The following CNTN5 variants were observed in gnomAD, a reference collection of about 807,000 sequenced individuals.
CNTN5 encodes contactin 5, also known as contactin-5.
In CNTN5, 77 loss-of-function variants were observed where a neutral mutation model predicts 129.1. The ratio of observed to expected loss-of-function variants is 0.60; its 90% confidence interval spans 0.50 to 0.72. The LOEUF is 0.72. Ranked by LOEUF, CNTN5 falls within the 30% of genes least tolerant of loss-of-function variation. The probability of loss-of-function intolerance (pLI) is 0.00; values close to 1 mark genes in which losing one functional copy is unlikely to be tolerated. For missense variants in CNTN5, 1,478 were observed against 1,328.8 expected (o/e 1.11, Z -1.75); for synonymous variants, 509 against 465.6 (o/e 1.09, Z -1.20).
intron 13 of CNTN5, among the ~76,000 whole-genome samples, chr11:100,141,698 T>C (rs1451110099): frequency 6.6e-6 from 1 of 152,170 alleles, no homozygotes; most frequent in African/African-American, 2.4e-5. Flanking sequence ...TAAAATAGCG[T>C]AAGAAATCCT....
chr11:99,591,261 T>A (rs1356121296), intron 3 of CNTN5, among the ~76,000 whole-genome samples: 1 of 151,914 alleles, frequency 6.6e-6, no homozygotes, highest in African/African-American at 2.4e-5. Context: ...AGAGCCCATC[T>A]CATGATTTAC....
intron 2 of CNTN5, among the ~76,000 whole-genome samples, chr11:99,487,448 T>C (rs1591147600): frequency 2.0e-5 from 3 of 152,318 alleles, no homozygotes; most frequent in Admixed American, 2.0e-4. Flanking sequence ...CAAGATCTTA[T>C]CAGTGCATAA....
chr11:100,061,510 A>G (rs904072643), intron 10 of CNTN5, 117 bp downstream of exon 10: 4 of 687,724 alleles, frequency 5.8e-6, no homozygotes, highest in Non-Finnish European at 9.3e-6. Flanking sequence ...ATAATTTATA[A>G]TCATACTTCA....
chr11:99,684,569 G>A (rs1008573066), intron 3 of CNTN5, among the ~76,000 whole-genome samples: 1 of 151,740 alleles, frequency 6.6e-6, no homozygotes, highest in African/African-American at 2.4e-5. Context: ...CTGAATCTTT[G>A]TTAATGTTAG....
At chr11:99,848,237 C>T (rs61911618) in intron 6 of CNTN5, among the ~76,000 whole-genome samples, 15,482 of 151,886 alleles carry the variant, frequency 0.1, 1,761 homozygotes, top group East Asian at 0.54. Context: ...ACAAAAAATT[C>T]GGTTGGCAAC....
intron 2 of CNTN5, among the ~76,000 whole-genome samples, chr11:99,538,021 C>G (rs1253201346): frequency 6.6e-6 from 1 of 152,114 alleles, no homozygotes; most frequent in East Asian, 1.9e-4. Context: ...TGGTGGCTGC[C>G]TAGTACTGAG....
intron 1 of CNTN5, among the ~76,000 whole-genome samples, chr11:99,263,548 T>C (rs1352584746): frequency 2.6e-5 from 4 of 152,106 alleles, no homozygotes; most frequent in Admixed American, 2.6e-4. Flanking sequence ...CTAAGAAAAT[T>C]TGTATAAAGA....
chr11:99,382,844 ACTTTTTTTTTT>A (rs1301300870), intron 2 of CNTN5, among the ~76,000 whole-genome samples: 24 of 69,420 alleles, frequency 3.5e-4, no homozygotes, highest in Admixed American at 2.2e-4. Context: ...TCTCTAAATA[ACTTTTTTTTTT>A]TTTTTTTTTT....
intron 3 of CNTN5, among the ~76,000 whole-genome samples, chr11:99,719,757 T>C (rs1001915715): frequency 3.3e-5 from 5 of 151,876 alleles, no homozygotes; most frequent in African/African-American, 1.2e-4. Flanking sequence ...TGAGTTGTTT[T>C]TTGAAAAAAA....
intron 2 of CNTN5, among the ~76,000 whole-genome samples, chr11:99,386,838 A>G (rs1409790358): frequency 1.3e-5 from 2 of 152,192 alleles, no homozygotes; most frequent in African/African-American, 2.4e-5. Flanking sequence ...TGACTAAGCA[A>G]TCAACAAATA....
At chr11:99,871,958 A>T (rs1247713608) in intron 6 of CNTN5, among the ~76,000 whole-genome samples, 2 of 151,742 alleles carry the variant, frequency 1.3e-5, no homozygotes, top group East Asian at 3.9e-4. Context: ...ATGCCACATT[A>T]ATATTGTTAA....
At chr11:99,672,244 T>C (rs933224913) in intron 3 of CNTN5, among the ~76,000 whole-genome samples, 6 of 152,158 alleles carry the variant, frequency 3.9e-5, no homozygotes, top group African/African-American at 1.4e-4. Context: ...TTTGCTCTCT[T>C]AATGAGTGCT....
chr11:100,017,987 TG>T (rs965931088), intron 9 of CNTN5, among the ~76,000 whole-genome samples: 1 of 151,904 alleles, frequency 6.6e-6, no homozygotes, highest in Non-Finnish European at 1.5e-5. Flanking sequence ...GACTTTTGTT[TG>T]GGGGGGTAAA....
At chr11:100,332,026 A>G (rs1285875425) in intron 21 of CNTN5, among the ~76,000 whole-genome samples, 1 of 152,112 alleles carries the variant, frequency 6.6e-6, no homozygotes, top group Admixed American at 6.5e-5. Context: ...GAAAAATACA[A>G]AAGATAAATG....
At chr11:99,774,211 A>G (rs962499612) in intron 3 of CNTN5, among the ~76,000 whole-genome samples, 39 of 152,114 alleles carry the variant, frequency 2.6e-4, no homozygotes, top group African/African-American at 8.7e-4. Flanking sequence ...TGTCTAGTAC[A>G]TTGCAGATGC....
At chr11:100,321,290 T>A (rs1951689176) in intron 21 of CNTN5, among the ~76,000 whole-genome samples, 1 of 125,888 alleles carries the variant, frequency 7.9e-6, no homozygotes, top group South Asian at 2.7e-4. Flanking sequence ...TATTCCTAAG[T>A]ATTTTTTTTT....
intron 13 of CNTN5, among the ~76,000 whole-genome samples, chr11:100,131,989 T>A (rs1428660702): frequency 6.6e-6 from 1 of 152,014 alleles, no homozygotes; most frequent in African/African-American, 2.4e-5. Flanking sequence ...GGGACTAGAA[T>A]GTACACAGGC....
At chr11:99,302,215 A>C (rs898167467) in intron 1 of CNTN5, among the ~76,000 whole-genome samples, 15 of 151,688 alleles carry the variant, frequency 9.9e-5, no homozygotes, top group African/African-American at 3.6e-4. Flanking sequence ...AAAAAGAATA[A>C]ATATTAAAGC....
intron 1 of CNTN5, among the ~76,000 whole-genome samples, chr11:99,250,287 G>C (rs1196052148): frequency 6.6e-6 from 1 of 151,812 alleles, no homozygotes; most frequent in Non-Finnish European, 1.5e-5. Context: ...TTTAGAACAA[G>C]GTTCTTCCTT....
Sources: gnomAD v4.1 joint callset for allele counts (sites outside exome capture counted in the v4.1 genomes callset) on GRCh38, gnomAD v4.1.1 for gene constraint, MANE v1.5 for transcripts, NCBI Gene and HGNC (gene_info 2026-07-23, HGNC 2026-07-21) for gene names.